The following CNTN6 variants were observed in gnomAD, a reference collection of about 807,000 sequenced individuals.
CNTN6 encodes contactin 6.
Under a neutral mutation model 122.8 loss-of-function variants are expected in CNTN6, and 137 were observed. That is an observed-to-expected ratio of 1.12 (90% CI 0.97 to 1.29). The LOEUF (loss-of-function observed/expected upper bound fraction) is 1.29. Ranked by LOEUF, CNTN6 falls within the 50% of genes most tolerant of loss-of-function variation. CNTN6 has a pLI of 0.00. For missense variants in CNTN6, 1,634 were observed against 1,223.4 expected (o/e 1.34, Z -5.01); for synonymous variants, 570 against 426.0 (o/e 1.34, Z -4.16).
intron 14 of CNTN6, 135 bp downstream of exon 14, chr3:1,373,090 A>T (rs1709310033): frequency 1.7e-6 from 1 of 580,670 alleles, no homozygotes; most frequent in Non-Finnish European, 3.0e-6. Flanking sequence ...TATTTTTTAA[A>T]CCCCAGGACT....
intron 3 of CNTN6, among the ~76,000 whole-genome samples, chr3:1,221,574 T>C (rs2094208268): frequency 6.6e-6 from 1 of 152,184 alleles, no homozygotes; most frequent in Non-Finnish European, 1.5e-5. Context: ...AAACCTATAT[T>C]TGTTTCTCAC....
chr3:1,390,595 C>A (rs1162125486), intron 20 of CNTN6, among the ~76,000 whole-genome samples: 1 of 152,136 alleles, frequency 6.6e-6, no homozygotes, highest in African/African-American at 2.4e-5. Flanking sequence ...ACACAAAAAA[C>A]CCTTAAAAAA....
chr3:1,147,826 T>C (rs2092754341), intron 1 of CNTN6, 101 bp from the exon 2 acceptor site: 1 of 463,150 alleles, frequency 2.2e-6, no homozygotes, highest in East Asian at 3.1e-5. Context: ...TTTTGGATAA[T>C]AATATTAATA....
chr3:1,306,561 G>C (rs1698387886), intron 7 of CNTN6, among the ~76,000 whole-genome samples: 1 of 152,146 alleles, frequency 6.6e-6, no homozygotes, highest in Non-Finnish European at 1.5e-5. Flanking sequence ...TTCAAATAGA[G>C]CAGGATTGGA....
intron 2 of CNTN6, among the ~76,000 whole-genome samples, chr3:1,189,706 A>C (rs1023680677): frequency 6.6e-6 from 1 of 152,148 alleles, no homozygotes; most frequent in Non-Finnish European, 1.5e-5. Context: ...CTGCAATGAG[A>C]AGCCTTTGAG....
intron 2 of CNTN6, among the ~76,000 whole-genome samples, chr3:1,201,242 G>C (rs1368853438): frequency 2.0e-5 from 3 of 151,728 alleles, no homozygotes; most frequent in Non-Finnish European, 1.5e-5. Flanking sequence ...CAAAGTGCTG[G>C]GATTACAGGA....
chr3:1,217,795 A>C (rs1307625383), intron 2 of CNTN6, among the ~76,000 whole-genome samples: 1 of 152,188 alleles, frequency 6.6e-6, no homozygotes, highest in African/African-American at 2.4e-5. Flanking sequence ...TCCTGCCATC[A>C]AGCAAACAGA....
intron 19 of CNTN6, among the ~76,000 whole-genome samples, chr3:1,384,760 C>CATATATATACACATATATATATATAT (rs1692552200): frequency 1.1e-4 from 11 of 100,080 alleles, no homozygotes; most frequent in East Asian, 5.2e-4. Context: ...CATATATATA[C>CATATATATACACATATATATATATAT]ATATATATAC....
chr3:1,221,350 C>CA (rs1454609975), intron 3 of CNTN6, among the ~76,000 whole-genome samples: 2 of 152,218 alleles, frequency 1.3e-5, no homozygotes, highest in Non-Finnish European at 2.9e-5. Flanking sequence ...TGCGGAACTG[C>CA]AGCCTCAGTT....
Position 1,278,403 on chromosome 3 carries a change from G to T in CNTN6, c.359-10G>T. 8 of 1,557,038 alleles carry T rather than the reference G, an allele frequency of 5.1e-6. No individual in the cohort carries two copies. Among genetic ancestry groups the T allele is most frequent in the Non-Finnish European group, 7.0e-6 (8 of 1,142,416 alleles). On this transcript the variant is annotated splice_polypyrimidine_tract_variant and intron_variant, in intron 4 of 22. Transcript: ENST00000446702. ...ACTAATTATAAATCTGCTTTTCTTT[G>T]TTTTCCAAGATATTGAAGACTTTGA...
intron 4 of CNTN6, among the ~76,000 whole-genome samples, chr3:1,277,562 T>C (rs1692633826): frequency 6.6e-6 from 1 of 152,024 alleles, no homozygotes; most frequent in Non-Finnish European, 1.5e-5. Flanking sequence ...GGTTTTGCCA[T>C]ATTGGCCAAG....
chr3:1,368,824 ATTATT>A (rs1260694288), intron 12 of CNTN6, among the ~76,000 whole-genome samples: 7 of 152,188 alleles, frequency 4.6e-5, no homozygotes, highest in Non-Finnish European at 1.5e-5. Flanking sequence ...TAAGTTATAA[ATTATT>A]TTAAAGCGAA....
At chr3:1,265,044 C>CTTT (rs201949693) in intron 4 of CNTN6, among the ~76,000 whole-genome samples, 2,834 of 100,682 alleles carry the variant, frequency 0.028, 56 homozygotes, top group Admixed American at 0.046. Flanking sequence ...ACCGAATTTC[C>CTTT]TTTTTTTTTT....
chr3:1,230,004 G>C (rs1333190518), intron 4 of CNTN6, among the ~76,000 whole-genome samples: 2 of 152,058 alleles, frequency 1.3e-5, no homozygotes, highest in Non-Finnish European at 2.9e-5. Context: ...ATTGTATCCG[G>C]GGAGACATGT....
At chr3:1,124,329 A>C (rs1288714467) in intron 1 of CNTN6, among the ~76,000 whole-genome samples, 1 of 151,790 alleles carries the variant, frequency 6.6e-6, no homozygotes, top group Non-Finnish European at 1.5e-5. Context: ...CCCCACCCTT[A>C]TCTCTCTAGC....
chr3:1,243,291 G>A (rs893965105), intron 4 of CNTN6, among the ~76,000 whole-genome samples: 1 of 152,186 alleles, frequency 6.6e-6, no homozygotes, highest in Non-Finnish European at 1.5e-5. Context: ...GGGGAAGGAG[G>A]TTCTGGGGGA....
intron 1 of CNTN6, among the ~76,000 whole-genome samples, chr3:1,127,858 T>G (rs1485672632): frequency 1.3e-5 from 2 of 151,910 alleles, no homozygotes; most frequent in African/African-American, 4.8e-5. Context: ...CTTTTCAATT[T>G]TGTGTGTGTG....
At chr3:1,118,194 G>T (rs1336122934) in intron 1 of CNTN6, among the ~76,000 whole-genome samples, 2 of 152,112 alleles carry the variant, frequency 1.3e-5, no homozygotes, top group Non-Finnish European at 2.9e-5. Context: ...TATCAGTTAA[G>T]TTATTATCCT....
chr3:1,327,596 T>C lies in CNTN6; in HGVS notation c.1213+10T>C. ...GAATTGAGAGTTTTAGGTAAGTCGT[T>C]TATTTACAACCAACAAATTCAAAAT... On this transcript the variant is annotated intron_variant, in intron 10 of 22. Transcript: ENST00000446702. 6.2e-7 allele frequency: 1 copy of C among 1,607,686 alleles called. No homozygotes were observed. The highest frequency in any genetic ancestry group is 8.5e-7 in the Non-Finnish European group (1 of 1,176,784).
Sources: gnomAD v4.1 joint callset for allele counts (sites outside exome capture counted in the v4.1 genomes callset) on GRCh38, gnomAD v4.1.1 for gene constraint, MANE v1.5 for transcripts, NCBI Gene and HGNC (gene_info 2026-07-23, HGNC 2026-07-21) for gene names.